DNAH7: variants seen among roughly 807,000 people sequenced by gnomAD.
The protein encoded by DNAH7 is dynein axonemal heavy chain 7.
In DNAH7, 397 loss-of-function variants were observed where a neutral mutation model predicts 444.6. That is an observed-to-expected ratio of 0.89 (90% CI 0.82 to 0.97). DNAH7 has a LOEUF of 0.97. Ranked by LOEUF, DNAH7 falls within the 50% of genes least tolerant of loss-of-function variation. The pLI, the probability that DNAH7 is intolerant of heterozygous loss-of-function variation, is 0.00. For synonymous variants in DNAH7, 1,636 were observed against 1,624.4 expected (o/e 1.01, Z -0.17); for missense variants, 4,902 against 4,800.8 (o/e 1.02, Z -0.62).
intron 5 of DNAH7, among the ~76,000 whole-genome samples, chr2:196,029,765 G>A (rs7577119): frequency 0.015 from 2,350 of 152,144 alleles, 57 homozygotes; most frequent in African/African-American, 0.053. Flanking sequence ...TGCTTATTCC[G>A]TTCAGAAATA....
At chr2:195,948,246 G>C (rs1412833950) in intron 19 of DNAH7, among the ~76,000 whole-genome samples, 1 of 152,146 alleles carries the variant, frequency 6.6e-6, no homozygotes, top group Non-Finnish European at 1.5e-5. Flanking sequence ...TAGACTGCCT[G>C]TTTACTCTGA....
intron 58 of DNAH7, among the ~76,000 whole-genome samples, chr2:195,786,099 A>C (rs752010622): frequency 3.3e-5 from 5 of 152,194 alleles, no homozygotes; most frequent in African/African-American, 1.2e-4. Context: ...GATTCTTCAC[A>C]TAAGTTTAGA....
intron 51 of DNAH7, among the ~76,000 whole-genome samples, chr2:195,811,927 G>T (rs1696990587): frequency 6.6e-6 from 1 of 152,186 alleles, no homozygotes; most frequent in South Asian, 2.1e-4. Context: ...AACTTTGGAA[G>T]AAATTTAGTT....
rs200008102 is a variant in DNAH7 at position 195,787,111 on chromosome 2, G to A, written c.10777C>T (p.Arg3593Trp). ...CFFHALVQER[R>W]KFGPLGWNIP... ...TTCCACCCTAGGGGTCCAAATTTCC[G>A]TCTTTCTTGTACCAAAGCATGAAAG... is the stretch of plus-strand genomic sequence containing the variant. Residue 3593 changes from arginine (R) to tryptophan (W), a missense_variant, in exon 58 of 65, where the codon CGG becomes TGG. Arg to Trp is a moderately radical substitution (Grantham distance 101, BLOSUM62 -3). Transcript: ENST00000312428. 70 of 1,611,702 alleles carry A rather than the reference G, an allele frequency of 4.3e-5. No individual in the cohort carries two copies. The highest frequency in any genetic ancestry group is 2.7e-4 in the Admixed American group (16 of 59,190).
intron 10 of DNAH7, among the ~76,000 whole-genome samples, chr2:196,002,582 A>C (rs1227754716): frequency 6.6e-6 from 1 of 152,224 alleles, no homozygotes; most frequent in Non-Finnish European, 1.5e-5. Flanking sequence ...TTAAATAGTC[A>C]ATATAATTTC....
chr2:195,934,897 A>G, intron 20 of DNAH7, 108 bp from the exon 21 acceptor site: 1 of 1,247,792 alleles, frequency 8.0e-7, no homozygotes, highest in Non-Finnish European at 1.1e-6. Flanking sequence ...TGGGAATGAA[A>G]TGCTGTGCAA....
chr2:195,960,955 T>C lies in DNAH7; in HGVS notation c.2206-10A>G, dbSNP rs1322778147. On this transcript the variant is annotated splice_polypyrimidine_tract_variant and intron_variant, in intron 17 of 64. Coordinates refer to ENST00000312428, the MANE Select transcript of DNAH7 (RefSeq NM_018897.3). Reference sequence around the variant, plus strand: ...CATTAAACTGCTCAATCTGAAAGGATAAGTATTGAATATATTAGTTATTTT... The same window carrying C: ...CATTAAACTGCTCAATCTGAAAGGACAAGTATTGAATATATTAGTTATTTT... The C allele has an allele frequency of 1.3e-6, 2 of 1,555,472 alleles. No homozygotes were observed. Among genetic ancestry groups the C allele is most frequent in the South Asian group, 1.2e-5 (1 of 81,442 alleles).
chr2:195,904,022 A>T (rs961864077), intron 27 of DNAH7: 1 of 152,256 alleles, frequency 6.6e-6, no homozygotes, highest in Non-Finnish European at 1.5e-5. Context: ...CTGAAGCTCT[A>T]TAAGTGCTGC....
intron 61 of DNAH7, among the ~76,000 whole-genome samples, chr2:195,761,335 C>G (rs1183313304): frequency 6.6e-6 from 1 of 151,942 alleles, no homozygotes; most frequent in African/African-American, 2.4e-5. Context: ...CCTACAAGAT[C>G]TAGAAAATAG....
Position 195,775,962 on chromosome 2 carries a change from T to C in DNAH7, c.11086A>G (p.Thr3696Ala), listed in dbSNP as rs755046215. The C allele has an allele frequency of 2.4e-5, 38 of 1,614,134 alleles. 2 individuals carry two copies. The South Asian group carries it at 4.0e-4, about 17-fold the overall frequency. Residue 3696 changes from threonine (T) to alanine (A), a missense_variant, in exon 60 of 65, where the codon ACA becomes GCA. Thr to Ala is a moderately conservative substitution (Grantham distance 58, BLOSUM62 0). Transcript: ENST00000312428. ...GCTGGGGTCAGTGGCAGAGTCTTTG[T>C]GTATTCGATGTAGCTTTTGTGCTGC... ...SGDHKSYIEY[T>A]KTLPLTPAPE... is the part of the protein sequence containing the mutation.
chr2:195,902,180 T>A (rs1686751058), intron 27 of DNAH7: 1 of 152,152 alleles, frequency 6.6e-6, no homozygotes, highest in Non-Finnish European at 1.5e-5. Context: ...TTATGACTCT[T>A]CTAAGTTGAG....
At chr2:196,006,211 C>A (rs1241722307) in intron 10 of DNAH7, among the ~76,000 whole-genome samples, 1 of 151,942 alleles carries the variant, frequency 6.6e-6, no homozygotes, top group Non-Finnish European at 1.5e-5. Flanking sequence ...GGGGATAAGG[C>A]ACAAGAAACA....
chr2:196,024,541 A>G (rs1239255870), intron 7 of DNAH7, 37 bp from the exon 8 acceptor site: 2 of 1,264,656 alleles, frequency 1.6e-6, no homozygotes, highest in East Asian at 5.3e-5. Context: ...AAATAACCTT[A>G]TATTAACTGT....
At chr2:195,826,573 A>AT (rs1475492859) in intron 48 of DNAH7, among the ~76,000 whole-genome samples, 1 of 152,240 alleles carries the variant, frequency 6.6e-6, no homozygotes, top group Non-Finnish European at 1.5e-5. Flanking sequence ...TATTTGATAG[A>AT]TAAAAAATAC....
intron 21 of DNAH7, among the ~76,000 whole-genome samples, chr2:195,933,963 C>T (rs1003047525): frequency 4.0e-5 from 6 of 151,864 alleles, no homozygotes; most frequent in African/African-American, 1.2e-4. Flanking sequence ...TTCCTTTGCT[C>T]CATCATGATT....
chr2:195,955,321 G>T (rs984346770), intron 19 of DNAH7, among the ~76,000 whole-genome samples: 47 of 152,174 alleles, frequency 3.1e-4, no homozygotes, highest in African/African-American at 4.8e-5. Context: ...GTTTGTCAAA[G>T]ATCAGATGGT....
At chr2:195,978,127 A>G (rs1036637406) in intron 15 of DNAH7, among the ~76,000 whole-genome samples, 3 of 152,168 alleles carry the variant, frequency 2.0e-5, no homozygotes, top group Non-Finnish European at 2.9e-5. Flanking sequence ...TGTGGTGTGT[A>G]AACTATATAT....
At chr2:196,040,086 T>G (rs987421385) in intron 5 of DNAH7, among the ~76,000 whole-genome samples, 1 of 151,808 alleles carries the variant, frequency 6.6e-6, no homozygotes, top group Admixed American at 6.6e-5. Flanking sequence ...TAATAAAAAG[T>G]CTCCCCAAAA....
In DNAH7 at chr2:195,988,137, T is replaced by C. The variant is rs1460600406; in HGVS notation, c.1446A>G (p.Lys482=). The change falls in exon 13 of 65, where the codon AAA becomes AAG. Residue 482 remains lysine (K), a synonymous_variant. Coordinates refer to ENST00000312428, the MANE Select transcript of DNAH7 (RefSeq NM_018897.3). The part of the protein sequence containing the change: ...HKEKIKEVIM[K]ESVAPTEHLR... ...GGTGCTCAGTAGGTGCCACACTCTC[T>C]TTCATAATAACTTCCTTGATCTTTT... 6.2e-7 allele frequency: 1 copy of C among 1,613,732 alleles called. No homozygotes were observed. The highest frequency in any genetic ancestry group is 8.5e-7 in the Non-Finnish European group (1 of 1,179,766).
Sources: gnomAD v4.1 joint callset for allele counts (sites outside exome capture counted in the v4.1 genomes callset) on GRCh38, gnomAD v4.1.1 for gene constraint, MANE v1.5 for transcripts, NCBI Gene and HGNC (gene_info 2026-07-23, HGNC 2026-07-21) for gene names.